FAM107B: variants seen among roughly 807,000 people sequenced by gnomAD.
The protein encoded by FAM107B is protein FAM107B.
In FAM107B, 21 loss-of-function variants were observed where a neutral mutation model predicts 31.5. The observed-to-expected ratio is 0.67, with a 90% CI of 0.47 to 0.96. The LOEUF (loss-of-function observed/expected upper bound fraction) is 0.96. Ranked by LOEUF, FAM107B falls within the 40% of genes least tolerant of loss-of-function variation. The pLI is 0.00. For synonymous variants in FAM107B, 157 were observed against 141.5 expected (o/e 1.11, Z -0.78); for missense variants, 452 against 377.1 (o/e 1.20, Z -1.64).
intron 1 of FAM107B, among the ~76,000 whole-genome samples, chr10:14,773,954 C>G (rs556158860): frequency 2.6e-5 from 4 of 152,188 alleles, no homozygotes; most frequent in Non-Finnish European, 1.5e-5. Flanking sequence ...AACTATCTTA[C>G]TCCTAATCTG....
At chr10:14,679,703 A>G (rs1475734712) in intron 1 of FAM107B, among the ~76,000 whole-genome samples, 4 of 152,172 alleles carry the variant, frequency 2.6e-5, no homozygotes, top group African/African-American at 4.8e-5. Flanking sequence ...GATGCAAAGT[A>G]TTGTCCCGGG....
At chr10:14,563,417 T>C (rs1270854130) in intron 2 of FAM107B, among the ~76,000 whole-genome samples, 2 of 152,198 alleles carry the variant, frequency 1.3e-5, no homozygotes, top group Non-Finnish European at 2.9e-5. Flanking sequence ...TTTAGCAAAA[T>C]TGGGATATTA....
chr10:14,656,159 C>T (rs182375008), intron 2 of FAM107B, among the ~76,000 whole-genome samples: 1 of 152,178 alleles, frequency 6.6e-6, no homozygotes, highest in African/African-American at 2.4e-5. Flanking sequence ...GGCCCCTGTG[C>T]TCCTCCTAGA....
chr10:14,621,720 T>C (rs1853014634), intron 2 of FAM107B, among the ~76,000 whole-genome samples: 1 of 152,182 alleles, frequency 6.6e-6, no homozygotes, highest in African/African-American at 2.4e-5. Context: ...TAAACAAGAT[T>C]TGAAACAGGA....
intron 1 of FAM107B, among the ~76,000 whole-genome samples, chr10:14,757,961 G>C (rs1832962015): frequency 6.6e-6 from 1 of 152,120 alleles, no homozygotes; most frequent in Non-Finnish European, 1.5e-5. Context: ...AGTTTTGAAA[G>C]ATCTCCAGTT....
chr10:14,584,344 CA>C (rs1401206836), intron 2 of FAM107B, among the ~76,000 whole-genome samples: 1 of 152,182 alleles, frequency 6.6e-6, no homozygotes, highest in Non-Finnish European at 1.5e-5. Flanking sequence ...ACCAAGTGAC[CA>C]GGGGAAAACC....
intron 2 of FAM107B, among the ~76,000 whole-genome samples, chr10:14,567,351 G>A (rs571604945): frequency 7.2e-5 from 11 of 152,122 alleles, no homozygotes; most frequent in Admixed American, 2.0e-4. Context: ...CGACTGTCCC[G>A]TGAGCTGTGG....
intron 2 of FAM107B, among the ~76,000 whole-genome samples, chr10:14,646,684 C>T (rs1853762287): frequency 6.6e-6 from 1 of 151,978 alleles, no homozygotes; most frequent in South Asian, 2.1e-4. Context: ...GGTGGGTACC[C>T]AGCAGTGGGA....
intron 2 of FAM107B, among the ~76,000 whole-genome samples, chr10:14,591,675 G>C (rs1852023954): frequency 6.6e-6 from 1 of 152,202 alleles, no homozygotes; most frequent in Non-Finnish European, 1.5e-5. Flanking sequence ...CCCACCACAG[G>C]ACCCCAACGC....
At position 14,603,258 on chromosome 10, in the gene FAM107B, T is replaced by C. The variant is rs144280081; in HGVS notation, c.469+64376A>G. Among the ~76,000 whole-genome samples, 490 of 152,276 alleles carry C rather than the reference T, an allele frequency of 3.2e-3. 3 individuals carry two copies. The highest frequency in any genetic ancestry group is 0.011 in the African/African-American group (457 of 41,534). ...TTCAACTTAAAGCCACTTGGATAGA[T>C]AGAATTTCCAAAGTGATGTTAGGAA... On this transcript the variant is annotated intron_variant, in intron 2 of 4. Transcript: ENST00000181796.
chr10:14,594,402 G>C (rs146211687), intron 2 of FAM107B, among the ~76,000 whole-genome samples: 1 of 151,274 alleles, frequency 6.6e-6, no homozygotes, highest in East Asian at 2.0e-4. Flanking sequence ...TACTCAGGAA[G>C]CTGAGGTGGG....
chr10:14,569,831 G>A (rs897061097), intron 2 of FAM107B, among the ~76,000 whole-genome samples: 6 of 152,176 alleles, frequency 3.9e-5, no homozygotes. Context: ...CGCCTACTGA[G>A]ATGGACAGAG....
intron 2 of FAM107B, among the ~76,000 whole-genome samples, chr10:14,549,633 T>A (rs1404939309): frequency 6.6e-6 from 1 of 152,162 alleles, no homozygotes; most frequent in Non-Finnish European, 1.5e-5. Flanking sequence ...ACGCCAAGCC[T>A]TGCCATTTTC....
chr10:14,570,103 A>G (rs1851066674), intron 2 of FAM107B, among the ~76,000 whole-genome samples: 1 of 152,236 alleles, frequency 6.6e-6, no homozygotes, highest in Non-Finnish European at 1.5e-5. Flanking sequence ...ATTGCTACAG[A>G]AAAAAACTGT....
intron 2 of FAM107B, among the ~76,000 whole-genome samples, chr10:14,572,970 T>C (rs973328352): frequency 6.6e-6 from 1 of 151,668 alleles, no homozygotes; most frequent in African/African-American, 2.4e-5. Flanking sequence ...TATTAGGAAA[T>C]AGCAAATATA....
intron 1 of FAM107B, among the ~76,000 whole-genome samples, chr10:14,674,821 A>G (rs1039580156): frequency 1.3e-5 from 2 of 151,824 alleles, no homozygotes; most frequent in African/African-American, 2.4e-5. Context: ...TGCAGCTTCA[A>G]CCTCCCGGGT....
intron 2 of FAM107B, among the ~76,000 whole-genome samples, chr10:14,545,641 T>C (rs1287078369): frequency 2.0e-5 from 3 of 152,234 alleles, no homozygotes; most frequent in African/African-American, 7.2e-5. Flanking sequence ...CTGGCCACCA[T>C]CTTTGAAATT....
chr10:14,556,973 A>G (rs1025892437), intron 2 of FAM107B, among the ~76,000 whole-genome samples: 3 of 152,138 alleles, frequency 2.0e-5, no homozygotes, highest in Admixed American at 6.5e-5. Flanking sequence ...GGAACACACC[A>G]AACTCTTTCT....
chr10:14,588,940 G>A (rs553404022), intron 2 of FAM107B, among the ~76,000 whole-genome samples: 1 of 152,204 alleles, frequency 6.6e-6, no homozygotes, highest in East Asian at 1.9e-4. Flanking sequence ...CCAGCACTTT[G>A]GGAGGCCAAA....
Sources: allele counts gnomAD v4.1 joint callset (sites outside exome capture counted in the v4.1 genomes callset), GRCh38; gene constraint gnomAD v4.1.1; transcripts MANE v1.5; gene names NCBI Gene and HGNC (gene_info 2026-07-23, HGNC 2026-07-21).